Variants in MYT1L observed in about 807,000 individuals in gnomAD.
The protein encoded by MYT1L is myelin transcription factor 1 like, also known as myelin transcription factor 1-like protein.
Under a neutral mutation model 126.7 loss-of-function variants are expected in MYT1L, and 12 were observed. The ratio of observed to expected loss-of-function variants is 0.09; its 90% CI spans 0.06 to 0.15. The LOEUF is 0.15. Ranked by LOEUF, MYT1L falls within the 10% of genes least tolerant of loss-of-function variation. The pLI, the probability that MYT1L is intolerant of heterozygous loss-of-function variation, is 1.00. For synonymous variants in MYT1L, 541 were observed against 604.2 expected, an observed-to-expected ratio of 0.90 and a Z score of 1.53; for missense variants, 979 against 1,585.2, an observed-to-expected ratio of 0.62 and a Z score of 6.49.
chr2:2,203,793 A>G (rs937947566), intron 2 of MYT1L, among the ~76,000 whole-genome samples: 1 of 152,160 alleles, frequency 6.6e-6, no homozygotes, highest in Non-Finnish European at 1.5e-5. Context: ...AAAAGAGCCC[A>G]CATTGCCAAG....
intron 4 of MYT1L, among the ~76,000 whole-genome samples, chr2:2,048,825 C>T (rs190025685): frequency 2.0e-5 from 3 of 152,286 alleles, no homozygotes; most frequent in African/African-American, 7.2e-5. Flanking sequence ...CCATGATTTG[C>T]AGTTTCCACC....
chr2:2,096,563 C>T (rs1461322083), intron 3 of MYT1L, among the ~76,000 whole-genome samples: 1 of 152,180 alleles, frequency 6.6e-6, no homozygotes, highest in East Asian at 1.9e-4. Context: ...TTAAATAGTG[C>T]CATCTAAAAA....
chr2:1,993,219 C>T (rs1351167690), intron 5 of MYT1L, among the ~76,000 whole-genome samples: 1 of 152,158 alleles, frequency 6.6e-6, no homozygotes, highest in African/African-American at 2.4e-5. Flanking sequence ...TCAGCTCTGT[C>T]TGGGCAGCAG....
At chr2:1,865,131 C>T (rs921990349) in intron 18 of MYT1L, among the ~76,000 whole-genome samples, 32 of 152,306 alleles carry the variant, frequency 2.1e-4, no homozygotes, top group African/African-American at 4.1e-4. Context: ...GCATCTGCCC[C>T]GGGTACTGAG....
intron 2 of MYT1L, among the ~76,000 whole-genome samples, chr2:2,222,023 G>A (rs2093887348): frequency 6.6e-6 from 1 of 152,016 alleles, no homozygotes; most frequent in Non-Finnish European, 1.5e-5. Context: ...AAACACCATG[G>A]GTTGTCTTCT....
At chr2:2,215,992 C>T (rs952018874) in intron 2 of MYT1L, among the ~76,000 whole-genome samples, 6 of 152,042 alleles carry the variant, frequency 3.9e-5, no homozygotes, top group African/African-American at 1.2e-4. Flanking sequence ...GTGGCACCCT[C>T]TCCCCCAACC....
At position 1,956,474 on chromosome 2, in the gene MYT1L, ATTCT is replaced by A. The variant is rs199837819; in HGVS notation, c.153-13144_153-13141del. On this transcript the variant is annotated intron_variant, in intron 8 of 24. Transcript: ENST00000647738. ...CTATCTATCCTATTCTATATTTCCT[ATTCT>A]TTCTATGTGTCCTATTCTATATTTC... Among the ~76,000 whole-genome samples the A allele has an allele frequency of 2.3e-4, 31 of 136,258 alleles. 4 individuals carry two copies. The highest frequency in any genetic ancestry group is 3.6e-4 in the Non-Finnish European group (23 of 64,074). 89.4% of individuals were successfully genotyped at this position (136,258 alleles called of 152,430 possible).
chr2:2,291,534 C>A (rs2095599496), intron 1 of MYT1L, among the ~76,000 whole-genome samples: 2 of 152,222 alleles, frequency 1.3e-5, no homozygotes, highest in African/African-American at 4.8e-5. Context: ...AGAAGCTCAT[C>A]ACACAAACTG....
chr2:2,101,530 A>T (rs1453251695), intron 3 of MYT1L, among the ~76,000 whole-genome samples: 2 of 151,926 alleles, frequency 1.3e-5, no homozygotes, highest in Admixed American at 1.3e-4. Context: ...TCCACTCAGC[A>T]ACCCAGCCAC....
intron 3 of MYT1L, among the ~76,000 whole-genome samples, chr2:2,104,815 G>C (rs2078547644): frequency 6.6e-6 from 1 of 152,190 alleles, no homozygotes; most frequent in South Asian, 2.1e-4. Flanking sequence ...CAGGAGGGAA[G>C]TTTTCCATGC....
chr2:2,253,957 A>G (rs952166091), intron 2 of MYT1L, among the ~76,000 whole-genome samples: 3 of 152,188 alleles, frequency 2.0e-5, no homozygotes, highest in Admixed American at 6.5e-5. Flanking sequence ...ATAGTTTGGG[A>G]AAAATGCTCC....
At chr2:2,255,252 A>T (rs761940683) in intron 2 of MYT1L, among the ~76,000 whole-genome samples, 54 of 152,172 alleles carry the variant, frequency 3.5e-4, no homozygotes, top group Non-Finnish European at 7.1e-4. Flanking sequence ...CTGCCCGATT[A>T]CAGGGTGATT....
chr2:2,329,585 A>C (rs1016116836), intron 1 of MYT1L, among the ~76,000 whole-genome samples: 12 of 152,236 alleles, frequency 7.9e-5, no homozygotes, highest in African/African-American at 2.9e-4. Flanking sequence ...TATTTCTCTG[A>C]AAATCAAGCT....
chr2:2,048,316 A>G (rs2068428867), intron 4 of MYT1L, among the ~76,000 whole-genome samples: 1 of 152,198 alleles, frequency 6.6e-6, no homozygotes, highest in African/African-American at 2.4e-5. Context: ...ATTTATGTGA[A>G]TTTGTGTAGC....
chr2:2,175,471 C>T (rs1323790188), intron 2 of MYT1L, among the ~76,000 whole-genome samples: 1 of 151,862 alleles, frequency 6.6e-6, no homozygotes, highest in East Asian at 1.9e-4. Context: ...CTAAAAGCTC[C>T]GTGTGAGATT....
intron 5 of MYT1L, among the ~76,000 whole-genome samples, chr2:1,992,994 G>A (rs954274007): frequency 2.0e-5 from 3 of 152,086 alleles, no homozygotes; most frequent in Non-Finnish European, 2.9e-5. Context: ...CTGACTGAGC[G>A]CAAGAAGACA....
At chr2:2,011,733 T>G (rs1418547053) in intron 4 of MYT1L, among the ~76,000 whole-genome samples, 1 of 152,198 alleles carries the variant, frequency 6.6e-6, no homozygotes, top group South Asian at 2.1e-4. Context: ...CAGATATTTC[T>G]CCAAAGAAAA....
rs566388923 is a variant in MYT1L at position 1,995,530 on chromosome 2, G to A, written c.-1+1661C>T. On this transcript the variant is annotated intron_variant, in intron 5 of 24. Transcript: ENST00000647738. ...AGAAGAGAGGAGAAAGTTCTAGAAG[G>A]GGTGGAAGGGAAAAGGAAGGAACAT... Among the ~76,000 whole-genome samples, 4 of 152,334 alleles carry A rather than the reference G, an allele frequency of 2.6e-5. No homozygotes were observed. The East Asian group carries it at 7.7e-4, about 29-fold the overall frequency.
In MYT1L at chr2:1,848,359, T is replaced by C. The variant is rs59772938; in HGVS notation, c.2774+3282A>G. Among the ~76,000 whole-genome samples the C allele has an allele frequency of 0.49, 74,378 of 151,168 alleles. 20,875 individuals carry two copies. Among genetic ancestry groups the C allele is most frequent in the African/African-American group, 0.77 (31,885 of 41,170 alleles). On this transcript the variant is annotated intron_variant, in intron 19 of 24. Transcript: ENST00000647738. This position sits in a 1 kb window ranked among gnomAD's most constrained non-coding sequence, Gnocchi z 4.8. The stretch of plus-strand genomic sequence containing the variant: ...CCACGGAAGCGCGAGGCGTTTGTCC[T>C]GGGAGCAGGAGGGAGAATTCCAGAC...
Sources: allele counts gnomAD v4.1 joint callset (sites outside exome capture counted in the v4.1 genomes callset), GRCh38; gene constraint gnomAD v4.1.1; non-coding constraint Gnocchi (gnomAD v3.1); transcripts MANE v1.5; gene names NCBI Gene and HGNC (gene_info 2026-07-23, HGNC 2026-07-21).